METTL1: variants seen among roughly 807,000 people sequenced by gnomAD.
METTL1 encodes the protein tRNA (guanine-N(7)-)-methyltransferase.
Under a neutral mutation model 27.7 loss-of-function variants are expected in METTL1, and 14 were observed. That is an observed-to-expected ratio of 0.51 (90% CI 0.33 to 0.79). METTL1 has a LOEUF of 0.79. METTL1 is among the 30% of genes least tolerant of loss of function. The pLI, the probability that METTL1 is intolerant of heterozygous loss-of-function variation, is 0.02. For missense variants in METTL1, 333 were observed against 359.6 expected, an observed-to-expected ratio of 0.93 and a Z score of 0.60; for synonymous variants, 138 against 137.0, an observed-to-expected ratio of 1.01 and a Z score of -0.05.
intron 2 of METTL1, among the ~76,000 whole-genome samples, chr12:57,770,324 T>C (rs1034516554): frequency 6.6e-6 from 1 of 152,192 alleles, no homozygotes; most frequent in African/African-American, 2.4e-5. Flanking sequence ...CTGGAACTTA[T>C]TTATTTGAGA....
chr12:57,769,581 T>C lies in METTL1; in HGVS notation c.557A>G (p.Tyr186Cys), dbSNP rs766231258. The change falls in exon 4 of 6, where the codon TAC becomes TGC. Residue 186 changes from tyrosine (Y) to cysteine (C), a missense_variant. Coordinates refer to ENST00000324871, the MANE Select transcript of METTL1 (RefSeq NM_005371.6). ...ISPTLLAEYA[Y>C]VLRVGGLVYT... is the part of the protein sequence containing the mutation. ...CCAACTCACCCCAACTCTTAGCACG[T>C]AGGCATATTCTGCTAGCAGGGTGGG... is the stretch of plus-strand genomic sequence containing the variant. 1.8e-5 allele frequency: 28 copies of C among 1,551,880 alleles called. No homozygotes were observed. Among genetic ancestry groups the C allele is most frequent in the African/African-American group, 2.7e-5 (2 of 73,464 alleles).
intron 4 of METTL1, 65 bp downstream of exon 4, chr12:57,769,500 T>C: frequency 6.3e-7 from 1 of 1,576,038 alleles, no homozygotes; most frequent in Non-Finnish European, 8.7e-7. Context: ...GCACCCCCAC[T>C]GAATTCTTAG....
Position 57,772,076 on chromosome 12 carries a change from G to A in METTL1, c.8C>T (p.Ala3Val), listed in dbSNP as rs1055657314. Reference sequence around the variant, plus strand: ...TGCTCCGGCCACGTTCCGAGTCTCGGCTGCCATGATCCCAGTCCGGGGTTT... The same window carrying A: ...TGCTCCGGCCACGTTCCGAGTCTCGACTGCCATGATCCCAGTCCGGGGTTT... MAAETRNVAGAEA... is the reference protein window; with the variant it reads MAVETRNVAGAEA... Residue 3 changes from alanine to valine, a missense_variant, in exon 1 of 6, where the codon GCC becomes GTC. Ala to Val is a moderately conservative substitution (Grantham distance 64). Transcript: ENST00000324871. This position sits in a 1 kb window ranked among gnomAD's most constrained non-coding sequence, Gnocchi z 4.1. 1.9e-6 allele frequency: 3 copies of A among 1,564,034 alleles called. No homozygotes were observed. The African/African-American group carries it at 4.2e-5, about 22-fold the overall frequency.
chr12:57,770,854 T>G, intron 2 of METTL1: 1 of 436,078 alleles, frequency 2.3e-6, no homozygotes, highest in Non-Finnish European at 4.2e-6. Flanking sequence ...AAATGGCTCA[T>G]GTAGGGATTG....
chr12:57,770,007 G>A (rs373292194), intron 2 of METTL1, 51 bp from the exon 3 acceptor site: 86 of 1,531,952 alleles, frequency 5.6e-5, no homozygotes, highest in Admixed American at 7.8e-5. Flanking sequence ...TGTAGGAAGT[G>A]CAAAGGGGTC....
In METTL1 at chr12:57,768,982, G is replaced by T. The variant is rs370350550; in HGVS notation, c.*14C>A. Reference sequence around the variant, plus strand: ...TCCCTGGGAGACGAGGTCCAGCTAAGGTAGAGTAAGCAGTCAGTGACCAGG... The same window carrying T: ...TCCCTGGGAGACGAGGTCCAGCTAATGTAGAGTAAGCAGTCAGTGACCAGG... On this transcript the variant is annotated 3_prime_UTR_variant, in exon 6 of 6. Coordinates refer to ENST00000324871, the MANE Select transcript of METTL1 (RefSeq NM_005371.6). 8 of 1,593,554 alleles carry T rather than the reference G, an allele frequency of 5.0e-6. No individual in the cohort carries two copies. The African/African-American group carries it at 9.4e-5, about 19-fold the overall frequency.
rs979695144 is a variant in METTL1 at position 57,770,093 on chromosome 12, A to G, written c.275-137T>C. On this transcript the variant is annotated intron_variant, in intron 2 of 5. Coordinates refer to ENST00000324871, the MANE Select transcript of METTL1 (RefSeq NM_005371.6). ...AGAGAGGACAGAGATACATATATGGATAGTTTTATGCTCAAGAGGCGGGGG... is the reference window on the plus strand; with the variant it reads ...AGAGAGGACAGAGATACATATATGGGTAGTTTTATGCTCAAGAGGCGGGGG... 1.7e-5 allele frequency: 15 copies of G among 865,014 alleles called. No individual in the cohort carries two copies. In the African/African-American group the frequency reaches 2.2e-4, roughly 13 times the overall value. The allele number at this position is 865,014 out of a possible 1,614,324, so 53.6% of individuals were successfully genotyped here. A position where few individuals can be genotyped will look rare whatever the true frequency, so the allele number is the denominator to read the frequency against.
At chr12:57,770,029 G>C in intron 2 of METTL1, 73 bp from the exon 3 acceptor site, 1 of 1,470,332 alleles carries the variant, frequency 6.8e-7, no homozygotes, top group Non-Finnish European at 9.2e-7. Flanking sequence ...ACACAGGAAA[G>C]GAAGCCTCAA....
intron 1 of METTL1, among the ~76,000 whole-genome samples, 154 bp downstream of exon 1, chr12:57,771,820 C>G (rs1279432411): frequency 6.6e-6 from 1 of 152,202 alleles, no homozygotes; most frequent in Non-Finnish European, 1.5e-5. Context: ...ACTCCTCTCT[C>G]GGTCGAATCT....
At chr12:57,771,348 G>GGGGGC in intron 1 of METTL1, 91 bp from the exon 2 acceptor site, 1 of 670,846 alleles carries the variant, frequency 1.5e-6, no homozygotes, top group Non-Finnish European at 2.5e-6. Flanking sequence ...GTGAGGGTGG[G>GGGGGC]AGGTAAAAGG....
intron 2 of METTL1, chr12:57,770,671 G>A (rs375559170): frequency 5.6e-5 from 10 of 178,964 alleles, no homozygotes; most frequent in African/African-American, 2.1e-4. Flanking sequence ...CAATACAAGA[G>A]GAACCCAAAA....
chr12:57,769,900 T>C lies in METTL1; in HGVS notation c.331A>G (p.Lys111Glu). 1 of 1,613,654 alleles carries C rather than the reference T, an allele frequency of 6.2e-7. No individual in the cohort carries two copies. Among genetic ancestry groups the C allele is most frequent in the East Asian group, 2.2e-5 (1 of 44,872 alleles). Residue 111 changes from lysine (K) to glutamate (E), a missense_variant, in exon 3 of 6, where the codon AAG (lysine) becomes GAG (glutamate). Physicochemically the swap from Lys to Glu is moderately conservative, Grantham distance 56. Coordinates refer to ENST00000324871, the MANE Select transcript of METTL1 (RefSeq NM_005371.6). ...CGGTCTTGTACATAGTCTGAGACCT[T>C]CACCCGGATCTCCAGACCCAGAATA... ...TLILGLEIRV[K>E]VSDYVQDRIR... is the part of the protein sequence containing the mutation.
rs1161877718 is a variant in METTL1, at chr12:57,768,754, A to G, written c.*242T>C. The G allele has an allele frequency of 2.0e-5, 9 of 447,378 alleles. No homozygotes were observed. Among genetic ancestry groups the G allele is most frequent in the South Asian group, 5.7e-5 (1 of 17,452 alleles). The allele number at this position is 447,378 out of a possible 1,614,324, so 27.7% of individuals were successfully genotyped here. On this transcript the variant is annotated 3_prime_UTR_variant, in exon 6 of 6. Coordinates refer to ENST00000324871, the MANE Select transcript of METTL1 (RefSeq NM_005371.6). Reference sequence around the variant, plus strand: ...CCCCACAGCCTTCCAAAGATCCCCTATGGTCCAAAGTCCTTTGACCATCTC... The same window carrying G: ...CCCCACAGCCTTCCAAAGATCCCCTGTGGTCCAAAGTCCTTTGACCATCTC...
At position 57,771,514 on chromosome 12, in the gene METTL1, C is replaced by T; in HGVS notation, c.111-257G>A. 3.9e-6 allele frequency: 6 copies of T among 1,529,612 alleles called. No homozygotes were observed. In the Middle Eastern group the frequency reaches 5.2e-4, roughly 134 times the overall value. The allele number at this position is 1,529,612 out of a possible 1,614,324, so 94.8% of individuals were successfully genotyped here. A position where few individuals can be genotyped will look rare whatever the true frequency, so the allele number is the denominator to read the frequency against. The stretch of plus-strand genomic sequence containing the variant: ...TCCACTTCTGGCGGTTGATGTGACC[C>T]TGGCCGGGTAACTGCCCTTTCTGGG... On this transcript the variant is annotated intron_variant, in intron 1 of 5. Coordinates refer to ENST00000324871, the MANE Select transcript of METTL1 (RefSeq NM_005371.6).
At chr12:57,771,825 G>T in intron 1 of METTL1, 149 bp downstream of exon 1, 2 of 1,135,578 alleles carry the variant, frequency 1.8e-6, no homozygotes, top group Non-Finnish European at 2.4e-6. Flanking sequence ...TCTCTCGGTC[G>T]AATCTCCCGG....
intron 5 of METTL1, 24 bp from the exon 6 acceptor site, chr12:57,769,175 A>C: frequency 6.2e-7 from 1 of 1,601,012 alleles, no homozygotes; most frequent in Non-Finnish European, 8.6e-7. Context: ...GGGTCCAATA[A>C]GTCCTTGCCC....
At chr12:57,770,754 C>T (rs1032464494) in intron 2 of METTL1, 3 of 207,686 alleles carry the variant, frequency 1.4e-5, no homozygotes, top group South Asian at 1.0e-4. Flanking sequence ...GGTAGAATCT[C>T]TGAGAAAAGA....
chr12:57,769,867 C>A lies in METTL1; in HGVS notation c.364G>T (p.Ala122Ser), dbSNP rs756916347. 3.7e-6 allele frequency: 6 copies of A among 1,614,040 alleles called. No homozygotes were observed. Among genetic ancestry groups the A allele is most frequent in the African/African-American group, 1.3e-5 (1 of 74,932 alleles). The change falls in exon 3 of 6, where the codon GCC becomes TCC. Residue 122 changes from alanine to serine, a missense_variant. By Grantham distance (99) the Ala-to-Ser change is moderately conservative. Transcript: ENST00000324871. ...CCACCTGCAGGAGCTGCGCGTAGGGCCCGAATCCGGTCTTGTACATAGTCT... is the reference window on the plus strand; with the variant it reads ...CCACCTGCAGGAGCTGCGCGTAGGGACCGAATCCGGTCTTGTACATAGTCT... ...VSDYVQDRIR[A>S]LRAAPAGGFQ...
chr12:57,769,158 G>C lies in METTL1; in HGVS notation c.676-7C>G, dbSNP rs1955396353. Reference sequence around the variant, plus strand: ...CCACAACGGGGTCTTCACTCTGGGAGAAGGAAGGGTCCAATAAGTCCTTGC... The same window carrying C: ...CCACAACGGGGTCTTCACTCTGGGACAAGGAAGGGTCCAATAAGTCCTTGC... On this transcript the variant is annotated splice_polypyrimidine_tract_variant and splice_region_variant and intron_variant, in intron 5 of 5. Transcript: ENST00000324871. The C allele has an allele frequency of 6.3e-7, 1 of 1,599,750 alleles. No individual in the cohort carries two copies. The highest frequency in any genetic ancestry group is 2.3e-5 in the East Asian group (1 of 44,430).
Sources: allele counts gnomAD v4.1 joint callset (sites outside exome capture counted in the v4.1 genomes callset), GRCh38; gene constraint gnomAD v4.1.1; non-coding constraint Gnocchi (gnomAD v3.1); transcripts MANE v1.5; gene names NCBI Gene and HGNC (gene_info 2026-07-23, HGNC 2026-07-21).